CALD1: variants seen among roughly 807,000 people sequenced by gnomAD.
The protein encoded by CALD1 is caldesmon.
Under a neutral mutation model 99.9 loss-of-function variants are expected in CALD1, and 33 were observed. The ratio of observed to expected loss-of-function variants is 0.33; its 90% CI spans 0.25 to 0.44. The LOEUF (loss-of-function observed/expected upper bound fraction) is 0.44. CALD1 is among the 20% of genes least tolerant of loss of function. The pLI is 1.00. For missense variants in CALD1, 861 were observed against 962.1 expected, an observed-to-expected ratio of 0.89 and a Z score of 1.39; for synonymous variants, 310 against 325.0, an observed-to-expected ratio of 0.95 and a Z score of 0.50.
At chr7:134,782,434 C>A (rs948256538) in intron 1 of CALD1, among the ~76,000 whole-genome samples, 6 of 152,186 alleles carry the variant, frequency 3.9e-5, no homozygotes, top group African/African-American at 1.4e-4. Context: ...TCAGGCTAAT[C>A]CAAGTTTGCT....
At chr7:134,796,701 C>T (rs1171969964) in intron 1 of CALD1, among the ~76,000 whole-genome samples, 1 of 152,048 alleles carries the variant, frequency 6.6e-6, no homozygotes, top group Non-Finnish European at 1.5e-5. Flanking sequence ...TCATCCTGCC[C>T]TAGCCTCCTG....
intron 3 of CALD1, among the ~76,000 whole-genome samples, chr7:134,876,013 T>C (rs1801332396): frequency 6.6e-6 from 1 of 152,216 alleles, no homozygotes; most frequent in Non-Finnish European, 1.5e-5. Context: ...TCTTAAAAAC[T>C]TAAGGCTGTC....
chr7:134,788,322 A>G, intron 1 of CALD1, among the ~76,000 whole-genome samples: 1 of 152,216 alleles, frequency 6.6e-6, no homozygotes, highest in East Asian at 1.9e-4. Context: ...TTCTTCATTC[A>G]GTGATGTCAT....
At chr7:134,967,898 C>G (rs903511060) in intron 14 of CALD1, among the ~76,000 whole-genome samples, 12 of 152,184 alleles carry the variant, frequency 7.9e-5, no homozygotes, top group African/African-American at 2.4e-4. Context: ...AATTCCAACA[C>G]TTTGGGAGGC....
At chr7:134,938,686 T>C (rs1806186362) in intron 6 of CALD1, among the ~76,000 whole-genome samples, 4 of 152,232 alleles carry the variant, frequency 2.6e-5, no homozygotes, top group Non-Finnish European at 5.9e-5. Flanking sequence ...ATTTATTCAT[T>C]TCCCAGAAAG....
At chr7:134,901,351 T>C (rs1244328537) in intron 3 of CALD1, among the ~76,000 whole-genome samples, 1 of 152,026 alleles carries the variant, frequency 6.6e-6, no homozygotes, top group African/African-American at 2.4e-5. Flanking sequence ...TCTCAGCTGA[T>C]TGATCTACAA....
At position 134,960,013 on chromosome 7, in the gene CALD1, G is replaced by C; in HGVS notation, c.2101G>C (p.Asp701His). 6.2e-7 allele frequency: 1 copy of C among 1,614,134 alleles called. No individual in the cohort carries two copies. The change falls in exon 12 of 15, where the codon GAT becomes CAT. Residue 701 changes from aspartate (D) to histidine (H), a missense_variant. Asp to His is a moderately conservative substitution (Grantham distance 81, BLOSUM62 -1). Transcript: ENST00000361675. ...SAKPTKPAASDLPVPAEGVRN... is the reference protein window; with the variant it reads ...SAKPTKPAASHLPVPAEGVRN... ...AAAACCTACAAAGCCGGCAGCCTCG[G>C]ATCTTCCTGTTCCTGCTGAAGGTGT...
the CALD1 span, among the ~76,000 whole-genome samples, chr7:134,713,188 T>C: frequency 6.6e-6 from 1 of 152,258 alleles, no homozygotes; most frequent in African/African-American, 2.4e-5. Flanking sequence ...CCTCGTTTCC[T>C]AGACACCCTG....
intron 1 of CALD1, among the ~76,000 whole-genome samples, chr7:134,843,668 GA>G (rs1442988988): frequency 6.6e-6 from 1 of 152,174 alleles, no homozygotes; most frequent in Non-Finnish European, 1.5e-5. Flanking sequence ...TCCTTCTCCA[GA>G]ATAATTTATT....
At chr7:134,765,723 A>G (rs1796819752) in intron 1 of CALD1, among the ~76,000 whole-genome samples, 1 of 152,166 alleles carries the variant, frequency 6.6e-6, no homozygotes, top group African/African-American at 2.4e-5. Context: ...TGGATTTCTC[A>G]TGAATGGTTT....
intron 2 of CALD1, among the ~76,000 whole-genome samples, chr7:134,864,024 A>G (rs760614074): frequency 2.6e-5 from 4 of 152,160 alleles, no homozygotes; most frequent in Non-Finnish European, 5.9e-5. Context: ...CATCATGCCA[A>G]TCCCCTGGGC....
chr7:134,849,245 A>G (rs756696522), intron 2 of CALD1, among the ~76,000 whole-genome samples: 16 of 152,200 alleles, frequency 1.1e-4, no homozygotes, highest in Admixed American at 2.0e-4. Context: ...CTGTAAATCT[A>G]CTTTTCTGCA....
the CALD1 span, among the ~76,000 whole-genome samples, chr7:134,736,287 T>C: frequency 6.8e-6 from 1 of 146,826 alleles, no homozygotes; most frequent in Non-Finnish European, 1.5e-5. Context: ...AATCTCATGA[T>C]AGAGGCTTGA....
At chr7:134,951,217 G>T (rs1160121275) in intron 9 of CALD1, among the ~76,000 whole-genome samples, 1 of 152,168 alleles carries the variant, frequency 6.6e-6, no homozygotes, top group African/African-American at 2.4e-5. Flanking sequence ...CAAGGACTCA[G>T]TTTCAACATA....
chr7:134,794,054 T>C (rs1407460370), intron 1 of CALD1, among the ~76,000 whole-genome samples: 2 of 152,180 alleles, frequency 1.3e-5, no homozygotes, highest in Non-Finnish European at 2.9e-5. Context: ...CCATGATACA[T>C]GCAGGACATA....
chr7:134,828,633 G>A (rs561274407), intron 1 of CALD1, among the ~76,000 whole-genome samples: 5 of 152,144 alleles, frequency 3.3e-5, no homozygotes, highest in Non-Finnish European at 7.3e-5. Context: ...TTCATTGTTT[G>A]TCAAATGGGG....
At chr7:134,834,842 A>G (rs1049800487) in intron 1 of CALD1, among the ~76,000 whole-genome samples, 3 of 152,218 alleles carry the variant, frequency 2.0e-5, no homozygotes, top group Admixed American at 2.0e-4. Context: ...GTCTATGGGA[A>G]AAAGTCAAAA....
intron 1 of CALD1, among the ~76,000 whole-genome samples, chr7:134,823,263 G>A (rs1347982546): frequency 6.6e-6 from 1 of 152,176 alleles, no homozygotes; most frequent in Non-Finnish European, 1.5e-5. Flanking sequence ...GGTTCATTTT[G>A]ACCGTACCCA....
chr7:134,960,625 T>G lies in CALD1; in HGVS notation c.2292T>G (p.Pro764=). The G allele has an allele frequency of 6.3e-7, 1 of 1,596,706 alleles. No homozygotes were observed. Among genetic ancestry groups the G allele is most frequent in the Non-Finnish European group, 8.6e-7 (1 of 1,164,116 alleles). The change falls in exon 13 of 15, where the codon CCT becomes CCG. Residue 764 remains proline, a synonymous_variant. Coordinates refer to ENST00000361675, the MANE Select transcript of CALD1 (RefSeq NM_033138.4). ...GAAACAAGTCACCTGCTCCCAAACCTTCTGTAAGTACCTTTAGGTTTTTCT... is the reference window on the plus strand; with the variant it reads ...GAAACAAGTCACCTGCTCCCAAACCGTCTGTAAGTACCTTTAGGTTTTTCT... ...PDGNKSPAPK[P]SDLRPGDVSS... is the part of the protein sequence containing the mutation.
Sources: allele counts gnomAD v4.1 joint callset (sites outside exome capture counted in the v4.1 genomes callset), GRCh38; gene constraint gnomAD v4.1.1; transcripts MANE v1.5; gene names NCBI Gene and HGNC (gene_info 2026-07-23, HGNC 2026-07-21).